Variants in AMD1 observed in about 807,000 individuals in gnomAD.
AMD1 encodes S-adenosylmethionine decarboxylase proenzyme.
AMD1 carries 11 observed loss-of-function variants against 40.2 expected under a neutral mutation model. The observed-to-expected ratio is 0.27, with a 90% CI of 0.17 to 0.45. The LOEUF (loss-of-function observed/expected upper bound fraction) is 0.45, where lower values mean the gene tolerates loss of function less well. AMD1 is among the 20% of genes least tolerant of loss of function. The pLI is 1.00. For synonymous variants in AMD1, 121 were observed against 130.8 expected (o/e 0.93, Z 0.51); for missense variants, 257 against 410.2 (o/e 0.63, Z 3.23).
At chr6:110,846,789 G>T in the AMD1 span, among the ~76,000 whole-genome samples, 1 of 152,028 alleles carries the variant, frequency 6.6e-6, no homozygotes, top group Non-Finnish European at 1.5e-5. Flanking sequence ...AGGATTGCTT[G>T]AACTCAGTAG....
chr6:110,879,310 C>T (rs1220484204), intron 1 of AMD1, among the ~76,000 whole-genome samples: 2 of 152,176 alleles, frequency 1.3e-5, no homozygotes, highest in Non-Finnish European at 2.9e-5. Flanking sequence ...AATGAGATTG[C>T]ACCAGTGCGC....
chr6:110,868,986 G>T, the AMD1 span, among the ~76,000 whole-genome samples: 1 of 151,774 alleles, frequency 6.6e-6, no homozygotes. Context: ...CTTGAACCCG[G>T]GAGGCGGAGG....
chr6:110,892,250 T>G (rs1199283734), intron 5 of AMD1, 47 bp downstream of exon 5: 1 of 1,613,720 alleles, frequency 6.2e-7, no homozygotes, highest in Non-Finnish European at 8.5e-7. Context: ...TATGTAAGAT[T>G]TAAACTGCCA....
intron 3 of AMD1, 197 bp from the exon 4 acceptor site, chr6:110,890,056 TG>T: frequency 2.0e-6 from 1 of 491,112 alleles, no homozygotes; most frequent in Non-Finnish European, 3.6e-6. Flanking sequence ...TTGCCCAGGC[TG>T]GACTCCTGGG....
At chr6:110,817,330 C>G in the AMD1 span, among the ~76,000 whole-genome samples, 1 of 152,214 alleles carries the variant, frequency 6.6e-6, no homozygotes, top group Non-Finnish European at 1.5e-5. Context: ...TCTCTTCAGG[C>G]TGGGTGCAGT....
chr6:110,834,697 GTCTGT>G, the AMD1 span, among the ~76,000 whole-genome samples: 14 of 152,082 alleles, frequency 9.2e-5, no homozygotes, highest in South Asian at 2.7e-3. Flanking sequence ...TGTGGCTCAC[GTCTGT>G]AATCCCAGCA....
At chr6:110,815,515 A>C in the AMD1 span, 1 of 165,982 alleles carries the variant, frequency 6.0e-6, no homozygotes, top group Non-Finnish European at 1.3e-5. Context: ...GAAGTCGCGA[A>C]GGCCTCAGCG....
chr6:110,853,928 C>A, the AMD1 span, among the ~76,000 whole-genome samples: 1 of 152,182 alleles, frequency 6.6e-6, no homozygotes, highest in Non-Finnish European at 1.5e-5. Context: ...CTCCATCGCA[C>A]GACTAAACCC....
chr6:110,821,877 C>T, the AMD1 span, among the ~76,000 whole-genome samples: 1 of 152,100 alleles, frequency 6.6e-6, no homozygotes, highest in African/African-American at 2.4e-5. Context: ...TGAAAGGTCA[C>T]AAATTGACAA....
the AMD1 span, among the ~76,000 whole-genome samples, chr6:110,862,282 C>T: frequency 6.8e-6 from 1 of 146,728 alleles, no homozygotes; most frequent in East Asian, 2.0e-4. Flanking sequence ...CTTTTTTGTT[C>T]TCTGAATTCT....
At chr6:110,857,387 C>A in the AMD1 span, among the ~76,000 whole-genome samples, 3 of 150,690 alleles carry the variant, frequency 2.0e-5, no homozygotes, top group Non-Finnish European at 4.4e-5. Context: ...ACAAAATTAG[C>A]TGGGCGTGGT....
At chr6:110,831,662 T>C in the AMD1 span, among the ~76,000 whole-genome samples, 1 of 152,034 alleles carries the variant, frequency 6.6e-6, no homozygotes, top group Non-Finnish European at 1.5e-5. Context: ...ATTCCATCTT[T>C]CACTTTCCTC....
intron 1 of AMD1, among the ~76,000 whole-genome samples, chr6:110,879,676 G>A (rs1193806036): frequency 6.6e-6 from 1 of 152,166 alleles, no homozygotes; most frequent in Non-Finnish European, 1.5e-5. Context: ...CCTGATGAAT[G>A]TACTGTAATG....
chr6:110,829,108 T>G, the AMD1 span, among the ~76,000 whole-genome samples: 1 of 149,860 alleles, frequency 6.7e-6, no homozygotes, highest in Non-Finnish European at 1.5e-5. Flanking sequence ...AGGCGGAGGT[T>G]GCAGTGAGCC....
At chr6:110,885,360 G>A (rs551124712) in intron 1 of AMD1, among the ~76,000 whole-genome samples, 16 of 152,184 alleles carry the variant, frequency 1.1e-4, no homozygotes, top group African/African-American at 3.1e-4. Flanking sequence ...TGATCCATGC[G>A]CCTCGGCTGC....
the AMD1 span, among the ~76,000 whole-genome samples, chr6:110,838,291 A>AGGC: frequency 0.015 from 2,304 of 152,002 alleles, 29 homozygotes; most frequent in Non-Finnish European, 0.024. Flanking sequence ...CGGGAGGCTG[A>AGGC]AGCAGGAGAA....
intron 1 of AMD1, 111 bp downstream of exon 1, chr6:110,875,326 C>T (rs1785035756): frequency 2.2e-6 from 2 of 908,716 alleles, no homozygotes; most frequent in Non-Finnish European, 3.4e-6. Flanking sequence ...GGGGGCAAGT[C>T]TGCGGCCTGG....
the AMD1 span, among the ~76,000 whole-genome samples, chr6:110,828,986 AT>A: frequency 2.0e-5 from 3 of 152,304 alleles, no homozygotes; most frequent in East Asian, 5.8e-4. Context: ...CCTGGCCAAC[AT>A]GGTGAAACCC....
At chr6:110,841,286 A>G in the AMD1 span, among the ~76,000 whole-genome samples, 1 of 152,206 alleles carries the variant, frequency 6.6e-6, no homozygotes, top group Non-Finnish European at 1.5e-5. Context: ...GTTATAAATG[A>G]TAGTTTCTTT....
Sources: allele counts gnomAD v4.1 joint callset (sites outside exome capture counted in the v4.1 genomes callset), GRCh38; gene constraint gnomAD v4.1.1; transcripts MANE v1.5; gene names NCBI Gene and HGNC (gene_info 2026-07-23, HGNC 2026-07-21).